The following MGAM variants were observed in gnomAD, a reference collection of about 807,000 sequenced individuals.
The protein encoded by MGAM is maltase-glucoamylase.
MGAM carries 253 observed loss-of-function variants against 358.8 expected under a neutral mutation model. The observed-to-expected ratio is 0.71, with a 90% confidence interval of 0.64 to 0.78. MGAM has a LOEUF of 0.78. Among genes scored for constraint, MGAM ranks in the 30% least tolerant of loss-of-function variants. The pLI is 0.00. For missense variants in MGAM, 3,080 were observed against 3,432.6 expected (o/e 0.90, Z 2.57); for synonymous variants, 1,105 against 1,227.1 (o/e 0.90, Z 2.08).
At position 142,048,678 on chromosome 7, in the gene MGAM, C is replaced by T. The variant is rs1240312380; in HGVS notation, c.2587+805C>T. ...GTTTAGGAAATAGATTCCCTTGAGG[C>T]ATATGCCTTGGAAGCCCTTGGAAGG... On this transcript the variant is annotated intron_variant, in intron 22 of 70. Coordinates refer to ENST00000475668, the MANE Select transcript of MGAM (RefSeq NM_001365693.1). Among the ~76,000 whole-genome samples, 7 of 152,128 alleles carry T rather than the reference C, an allele frequency of 4.6e-5. No homozygotes were observed. The East Asian group carries it at 1.2e-3, about 25-fold the overall frequency.
chr7:142,087,499 T>A (rs1814869915), intron 57 of MGAM, among the ~76,000 whole-genome samples: 1 of 146,266 alleles, frequency 6.8e-6, no homozygotes, highest in African/African-American at 2.4e-5. Context: ...GTTGTGACAG[T>A]ACCCACAGGC....
intron 1 of MGAM, among the ~76,000 whole-genome samples, chr7:141,999,151 T>C (rs1434983536): frequency 6.6e-6 from 1 of 152,152 alleles, no homozygotes; most frequent in Non-Finnish European, 1.5e-5. Context: ...GCTTGGCACA[T>C]TGTAGGAACT....
At chr7:142,022,176 A>G in intron 6 of MGAM, 92 bp from the exon 7 acceptor site, 1 of 1,190,300 alleles carries the variant, frequency 8.4e-7, no homozygotes, top group Non-Finnish European at 1.2e-6. Context: ...GGGGCTATTG[A>G]GTCACTGAGA....
chr7:142,084,361 C>T (rs1265396790), intron 53 of MGAM, among the ~76,000 whole-genome samples, 158 bp from the exon 54 acceptor site: 3 of 146,324 alleles, frequency 2.1e-5, no homozygotes, highest in Non-Finnish European at 3.1e-5. Context: ...AAGCTTTCTC[C>T]AAGTATCCTA....
chr7:142,020,219 A>C (rs1213963575), intron 4 of MGAM, among the ~76,000 whole-genome samples: 1 of 152,198 alleles, frequency 6.6e-6, no homozygotes, highest in Non-Finnish European at 1.5e-5. Context: ...TGTTGCAATG[A>C]GGTCTCAACT....
rs1375443970 is a variant in MGAM at position 142,056,849 on chromosome 7, G to A, written c.3600G>A (p.Leu1200=). The change falls in exon 30 of 71, where the codon CTG becomes CTA. Residue 1200 remains leucine, a synonymous_variant. Transcript: ENST00000475668. ...SNAMDVTFQP[L]PALTYRTTGG... ...TTTCAGATGTGACGTTCCAGCCCCT[G>A]CCTGCCTTGACATACCGCACCACAG... 1 of 1,613,776 alleles carries A rather than the reference G, an allele frequency of 6.2e-7. No homozygotes were observed.
At chr7:142,026,471 G>A (rs1806982914) in intron 8 of MGAM, among the ~76,000 whole-genome samples, 1 of 152,168 alleles carries the variant, frequency 6.6e-6, no homozygotes, top group African/African-American at 2.4e-5. Flanking sequence ...GCAATTCTCA[G>A]TGATGAGTAA....
At chr7:142,086,092 G>A in intron 55 of MGAM, 126 bp from the exon 56 acceptor site, 1 of 1,448,842 alleles carries the variant, frequency 6.9e-7, no homozygotes, top group Non-Finnish European at 9.4e-7. Context: ...TATTTCCCTG[G>A]ACTCACAGAA....
intron 6 of MGAM, among the ~76,000 whole-genome samples, chr7:142,021,974 A>C (rs1284997502): frequency 5.9e-5 from 9 of 152,204 alleles, no homozygotes; most frequent in African/African-American, 1.7e-4. Flanking sequence ...TATAATATAT[A>C]ACCAGCTGTC....
At chr7:142,042,978 TATATATTATATATA>T in intron 21 of MGAM, among the ~76,000 whole-genome samples, 1 of 75,926 alleles carries the variant, frequency 1.3e-5, no homozygotes, top group East Asian at 3.8e-4. Context: ...AAATATAATA[TATATATTATATATA>T]CATATAATAT....
At position 142,034,289 on chromosome 7, in the gene MGAM, A is replaced by C. The variant is rs1218334885; in HGVS notation, c.1697A>C (p.Lys566Thr). The C allele has an allele frequency of 1.4e-5, 22 of 1,598,148 alleles. No homozygotes were observed. The highest frequency in any genetic ancestry group is 1.8e-5 in the Non-Finnish European group (21 of 1,172,144). ...PRILDGYLFCKTLCMDAVQHW... is the reference protein window; with the variant it reads ...PRILDGYLFCTTLCMDAVQHW... ...ATCCTGGATGGGTACCTGTTCTGCA[A>C]GACTCTCTGTATGGATGCAGTGCAG... is the stretch of plus-strand genomic sequence containing the variant. The change falls in exon 15 of 71, where the codon AAG becomes ACG. Residue 566 changes from lysine to threonine, a missense_variant. Transcript: ENST00000475668.
chr7:142,049,705 C>T (rs1487883358), intron 22 of MGAM, among the ~76,000 whole-genome samples: 1 of 152,084 alleles, frequency 6.6e-6, no homozygotes, highest in Admixed American at 6.5e-5. Flanking sequence ...AGATGCTCAA[C>T]ATCAGTAAGT....
chr7:142,042,523 CATATT>C (rs1180718462), intron 21 of MGAM, among the ~76,000 whole-genome samples: 2 of 9,924 alleles, frequency 2.0e-4, no homozygotes, highest in Non-Finnish European at 2.8e-4. Context: ...ATTATATATA[CATATT>C]ATATATATAA....
chr7:142,043,627 A>T (rs1234203005), intron 21 of MGAM, among the ~76,000 whole-genome samples: 2 of 118,798 alleles, frequency 1.7e-5, no homozygotes, highest in African/African-American at 8.7e-5. Context: ...TAATACATAT[A>T]TTATATATAC....
At chr7:142,054,274 C>G (rs945518680) in intron 26 of MGAM, among the ~76,000 whole-genome samples, 2 of 152,186 alleles carry the variant, frequency 1.3e-5, no homozygotes, top group African/African-American at 4.8e-5. Context: ...CCTTATTGAG[C>G]TCACGTCCCT....
rs562688466 is a variant in MGAM at position 142,102,634 on chromosome 7, C to T, written c.7968C>T (p.Thr2656=). 3.7e-6 allele frequency: 6 copies of T among 1,613,246 alleles called. No homozygotes were observed. The Admixed American group carries it at 6.7e-5, about 18-fold the overall frequency. ...LFWDDGQSID[T]YGKGLYYLAS... The stretch of plus-strand genomic sequence containing the variant: ...TATCTTGTTTTTTGTTTGCAGATAC[C>T]TATGGGAAAGGACTCTATTACTTGG... The change falls in exon 69 of 71, where the codon ACC becomes ACT. Residue 2656 remains threonine (T), a synonymous_variant. Coordinates refer to ENST00000475668, the MANE Select transcript of MGAM (RefSeq NM_001365693.1).
intron 4 of MGAM, 97 bp from the exon 5 acceptor site, chr7:142,020,877 C>T: frequency 1.2e-6 from 1 of 857,492 alleles, no homozygotes; most frequent in Non-Finnish European, 1.9e-6. Context: ...CAGGTGTGAA[C>T]CACTGCACCC....
chr7:142,091,634 A>C (rs922005276), intron 57 of MGAM, among the ~76,000 whole-genome samples: 1 of 146,370 alleles, frequency 6.8e-6, no homozygotes, highest in Non-Finnish European at 1.5e-5. Context: ...CATCGAATGC[A>C]TGAGGTCACT....
rs1226295500 is a variant in MGAM, at chr7:142,092,244, A to G, written c.6945+197A>G. 2.7e-5 allele frequency among the ~76,000 whole-genome samples: 4 copies of G among 146,126 alleles called. 1 individual carries two copies. Among genetic ancestry groups the G allele is most frequent in the Non-Finnish European group, 6.2e-5 (4 of 64,532 alleles). On this transcript the variant is annotated intron_variant, in intron 58 of 70. Transcript: ENST00000475668. ...TTCTACCAGACCTGACATTACTACTATAAAACCTCTGAGGCAATTGACTAG... is the reference window on the plus strand; with the variant it reads ...TTCTACCAGACCTGACATTACTACTGTAAAACCTCTGAGGCAATTGACTAG...
Sources: gnomAD v4.1 joint callset for allele counts (sites outside exome capture counted in the v4.1 genomes callset) on GRCh38, gnomAD v4.1.1 for gene constraint, MANE v1.5 for transcripts, NCBI Gene and HGNC (gene_info 2026-07-23, HGNC 2026-07-21) for gene names.